C12orf42: variants seen among roughly 807,000 people sequenced by gnomAD.
C12orf42 encodes chromosome 12 open reading frame 42, also known as uncharacterized protein C12orf42.
A neutral mutation model predicts 21.6 loss-of-function variants in C12orf42; 25 were observed. That is an observed-to-expected ratio of 1.16 (90% CI 0.84 to 1.62). C12orf42 has a LOEUF of 1.62. C12orf42 is among the 40% of genes most tolerant of loss of function. C12orf42 has a pLI of 0.00. For missense variants in C12orf42, 483 were observed against 459.3 expected (o/e 1.05, Z -0.47); for synonymous variants, 174 against 175.0 (o/e 0.99, Z 0.05).
At chr12:103,218,917 A>T in the C12orf42 span, among the ~76,000 whole-genome samples, 1 of 152,226 alleles carries the variant, frequency 6.6e-6, no homozygotes, top group Non-Finnish European at 1.5e-5. Context: ...CAATCTCTGA[A>T]CACGTAGAAG....
rs1185852341 is a variant in C12orf42 at position 103,446,400 on chromosome 12, A to G, written c.78+31949T>C. Among the ~76,000 whole-genome samples the G allele has an allele frequency of 2.0e-5, 3 of 152,202 alleles. No homozygotes were observed. In the East Asian group the frequency reaches 5.8e-4, roughly 29 times the overall value. On this transcript the variant is annotated intron_variant, in intron 2 of 5. Transcript: ENST00000548883. ...ACAAATCCTTGAAATACACCAAAAT[A>G]GAACCTCCTTAAAGCATAAATCTCA... is the stretch of plus-strand genomic sequence containing the variant.
the C12orf42 span, among the ~76,000 whole-genome samples, chr12:103,539,558 G>T: frequency 1.3e-5 from 2 of 151,464 alleles, no homozygotes; most frequent in South Asian, 2.1e-4. Context: ...ATGTATGTAC[G>T]TTCCTAAAAT....
chr12:103,243,983 G>A (rs945078842), intron 10 of C12orf42, among the ~76,000 whole-genome samples: 1 of 152,120 alleles, frequency 6.6e-6, no homozygotes, highest in Non-Finnish European at 1.5e-5. Flanking sequence ...ATATTTGGCA[G>A]TGTGGCCCAG....
At chr12:103,294,612 G>GAA (rs1323356086) in intron 4 of C12orf42, among the ~76,000 whole-genome samples, 6 of 135,624 alleles carry the variant, frequency 4.4e-5, no homozygotes. Flanking sequence ...AAGAAAGAAA[G>GAA]AAAGAAAGAA....
intron 4 of C12orf42, among the ~76,000 whole-genome samples, chr12:103,287,084 G>A (rs1278633433): frequency 6.6e-6 from 1 of 152,178 alleles, no homozygotes. Flanking sequence ...GGAGAAATAG[G>A]AACACTTTTA....
At chr12:103,486,068 C>T (rs541977459) in intron 1 of C12orf42, among the ~76,000 whole-genome samples, 3 of 152,264 alleles carry the variant, frequency 2.0e-5, no homozygotes, top group South Asian at 2.1e-4. Context: ...AAAGGGAATG[C>T]TTCCAGTTTT....
intron 2 of C12orf42, among the ~76,000 whole-genome samples, chr12:103,439,537 C>T (rs1951030872): frequency 8.7e-6 from 1 of 115,252 alleles, no homozygotes; most frequent in Non-Finnish European, 1.8e-5. Context: ...CCAGAATCTA[C>T]AATGAACTCC....
At chr12:103,303,534 A>G (rs1236490252) in intron 5 of C12orf42, among the ~76,000 whole-genome samples, 1 of 152,192 alleles carries the variant, frequency 6.6e-6, no homozygotes, top group Non-Finnish European at 1.5e-5. Flanking sequence ...GATGTCTAGA[A>G]TATTTGGAGC....
chr12:103,189,965 A>T, the C12orf42 span, among the ~76,000 whole-genome samples: 1 of 141,036 alleles, frequency 7.1e-6, no homozygotes, highest in African/African-American at 2.5e-5. Flanking sequence ...AATTGGATAT[A>T]CATGTGTATA....
At chr12:103,525,193 T>C in the C12orf42 span, among the ~76,000 whole-genome samples, 187 of 152,140 alleles carry the variant, frequency 1.2e-3, 1 homozygote, top group African/African-American at 4.3e-3. Context: ...AATTTTGTTT[T>C]ATTTTTGATA....
chr12:103,402,920 G>A (rs1367307195), intron 2 of C12orf42, among the ~76,000 whole-genome samples: 1 of 152,184 alleles, frequency 6.6e-6, no homozygotes, highest in Non-Finnish European at 1.5e-5. Flanking sequence ...AAGCTGAGTA[G>A]TGCTACAACT....
At chr12:103,366,373 A>G (rs996600097) in intron 4 of C12orf42, among the ~76,000 whole-genome samples, 5 of 152,144 alleles carry the variant, frequency 3.3e-5, no homozygotes, top group East Asian at 1.9e-4. Context: ...AGAAGATAAC[A>G]TTGGAAAAAC....
the C12orf42 span, among the ~76,000 whole-genome samples, chr12:103,521,726 C>T: frequency 6.6e-6 from 1 of 152,132 alleles, no homozygotes; most frequent in East Asian, 1.9e-4. Flanking sequence ...ACCCACTAAC[C>T]TCTAACTAGG....
chr12:103,194,633 T>C, the C12orf42 span, among the ~76,000 whole-genome samples: 1 of 152,002 alleles, frequency 6.6e-6, no homozygotes, highest in Non-Finnish European at 1.5e-5. Flanking sequence ...ACATCTATAG[T>C]GAAAATCATA....
At chr12:103,084,396 T>C in the C12orf42 span, among the ~76,000 whole-genome samples, 1 of 152,196 alleles carries the variant, frequency 6.6e-6, no homozygotes, top group South Asian at 2.1e-4. Flanking sequence ...CACTACTTTT[T>C]TTTAAATTAT....
At chr12:103,188,803 C>T in the C12orf42 span, among the ~76,000 whole-genome samples, 851 of 152,302 alleles carry the variant, frequency 5.6e-3, 6 homozygotes, top group African/African-American at 0.02. Context: ...GTCAGCACCA[C>T]GATTCCTGAA....
the C12orf42 span, among the ~76,000 whole-genome samples, chr12:103,083,450 C>T: frequency 6.6e-6 from 1 of 152,294 alleles, no homozygotes; most frequent in East Asian, 1.9e-4. Flanking sequence ...TGATCATTAA[C>T]CATACAAACT....
chr12:103,376,269 C>G (rs2045683541), intron 3 of C12orf42, among the ~76,000 whole-genome samples: 2 of 152,122 alleles, frequency 1.3e-5, no homozygotes, highest in African/African-American at 4.8e-5. Flanking sequence ...ATGGATGAAG[C>G]TGGAAGCCAT....
intron 2 of C12orf42, among the ~76,000 whole-genome samples, chr12:103,409,685 C>CT (rs1367620918): frequency 6.6e-6 from 1 of 152,000 alleles, no homozygotes; most frequent in East Asian, 1.9e-4. Context: ...TTTAATAGAT[C>CT]TTTTTTAAGA....
Sources: allele counts gnomAD v4.1 joint callset (sites outside exome capture counted in the v4.1 genomes callset), GRCh38; gene constraint gnomAD v4.1.1; transcripts MANE v1.5; gene names NCBI Gene and HGNC (gene_info 2026-07-23, HGNC 2026-07-21).